PKHD1: variants seen among roughly 807,000 people sequenced by gnomAD.
PKHD1 encodes the protein fibrocystin.
Under a neutral mutation model 412.0 loss-of-function variants are expected in PKHD1, and 291 were observed. The ratio of observed to expected loss-of-function variants is 0.71; its 90% CI spans 0.64 to 0.78. The LOEUF (loss-of-function observed/expected upper bound fraction) is 0.78, where lower values mean the gene tolerates loss of function less well. Ranked by LOEUF, PKHD1 falls within the 30% of genes least tolerant of loss-of-function variation. PKHD1 has a pLI of 0.00. For missense variants in PKHD1, 4,825 were observed against 4,950.7 expected (o/e 0.97, Z 0.76); for synonymous variants, 1,777 against 1,821.5 (o/e 0.98, Z 0.62).
chr6:51,634,850 T>G (rs757176168), intron 64 of PKHD1, among the ~76,000 whole-genome samples: 6 of 152,218 alleles, frequency 3.9e-5, no homozygotes, highest in Non-Finnish European at 7.3e-5. Flanking sequence ...TGGATGGGCA[T>G]TAAATATCAG....
intron 63 of PKHD1, among the ~76,000 whole-genome samples, chr6:51,641,050 C>A (rs1427799007): frequency 6.6e-6 from 1 of 152,178 alleles, no homozygotes; most frequent in African/African-American, 2.4e-5. Flanking sequence ...ATCCCAAATG[C>A]TTTTGGTGCA....
At chr6:51,753,413 G>A in intron 56 of PKHD1, 60 bp from the exon 57 acceptor site, 1 of 1,394,560 alleles carries the variant, frequency 7.2e-7, no homozygotes, top group Non-Finnish European at 1.0e-6. Context: ...AAAATCACTA[G>A]CTGGGGACCC....
chr6:51,749,209 T>C (rs937801530), intron 57 of PKHD1, among the ~76,000 whole-genome samples: 1 of 152,226 alleles, frequency 6.6e-6, no homozygotes, highest in Admixed American at 6.5e-5. Context: ...ATGCTTCTGA[T>C]TAAAACATGG....
Position 51,616,331 on chromosome 6 carries a change from G to GA in PKHD1, c.*2749dup, listed in dbSNP as rs1341206159. 4.8e-6 allele frequency: 1 copy of GA among 207,028 alleles called. No individual in the cohort carries two copies. The highest frequency in any genetic ancestry group is 2.3e-5 in the African/African-American group (1 of 43,772). The allele number at this position is 207,028 out of a possible 1,614,324, so 12.8% of individuals were successfully genotyped here. A position where few individuals can be genotyped will look rare whatever the true frequency, so the allele number is the denominator to read the frequency against. On this transcript the variant is annotated 3_prime_UTR_variant, in exon 67 of 67. Coordinates refer to ENST00000371117, the MANE Select transcript of PKHD1 (RefSeq NM_138694.4). ...GAAGAGATTCTTTGAACTAACACAG[G>GA]AAAAAAGCACATCTCAATATTTATT...
At chr6:51,863,386 G>A (rs1482526596) in intron 48 of PKHD1, among the ~76,000 whole-genome samples, 1 of 152,176 alleles carries the variant, frequency 6.6e-6, no homozygotes, top group Non-Finnish European at 1.5e-5. Flanking sequence ...CAGAATCAAG[G>A]TCTGATCTGT....
intron 37 of PKHD1, among the ~76,000 whole-genome samples, chr6:51,916,252 A>G (rs548840892): frequency 8.5e-4 from 129 of 152,314 alleles, no homozygotes; most frequent in Non-Finnish European, 1.5e-3. Context: ...GTAAACTCCC[A>G]TCAGATATAT....
At chr6:51,913,741 T>G (rs1385847789) in intron 37 of PKHD1, among the ~76,000 whole-genome samples, 1 of 152,130 alleles carries the variant, frequency 6.6e-6, no homozygotes, top group Non-Finnish European at 1.5e-5. Context: ...TATTTGTCTC[T>G]CTGTGCATAA....
intron 37 of PKHD1, among the ~76,000 whole-genome samples, chr6:51,922,743 G>A (rs145629482): frequency 1.9e-3 from 293 of 152,312 alleles, no homozygotes; most frequent in Middle Eastern, 6.8e-3. Context: ...GGGACCCTCC[G>A]AGCCAGGCAC....
chr6:51,996,511 C>G (rs1294224158), intron 35 of PKHD1, among the ~76,000 whole-genome samples: 2 of 152,152 alleles, frequency 1.3e-5, no homozygotes, highest in Admixed American at 6.5e-5. Flanking sequence ...AACAGGAAGA[C>G]GCACATCACA....
intron 36 of PKHD1, among the ~76,000 whole-genome samples, chr6:51,950,220 A>AAAAAAAAAAAAAATATATATATAT: frequency 4.1e-5 from 4 of 98,300 alleles, no homozygotes; most frequent in African/African-American, 1.1e-4. Context: ...GAAAAAAAAA[A>AAAAAAAAAAAAAATATATATATAT]ATATATATAT....
intron 8 of PKHD1, among the ~76,000 whole-genome samples, 187 bp from the exon 9 acceptor site, chr6:52,071,257 A>G (rs1810569646): frequency 6.6e-6 from 1 of 151,482 alleles, no homozygotes; most frequent in African/African-American, 2.4e-5. Context: ...TACCCTTTAT[A>G]TATACTAGTT....
intron 35 of PKHD1, among the ~76,000 whole-genome samples, chr6:51,978,954 ATG>A (rs1288901696): frequency 1.3e-5 from 1 of 77,146 alleles, no homozygotes; most frequent in Non-Finnish European, 2.6e-5. Context: ...CAGCCATAAC[ATG>A]TGTATAATGA....
rs1052073195 is a variant in PKHD1, at chr6:52,082,394, G to C, written c.279C>G (p.Thr93=). The change falls in exon 4 of 67, where the codon ACC becomes ACG. Residue 93 remains threonine (T), a splice_region_variant and synonymous_variant. Coordinates refer to ENST00000371117, the MANE Select transcript of PKHD1 (RefSeq NM_138694.4). The stretch of plus-strand genomic sequence containing the variant: ...TTCCTATTCCCAGACAGGTATACCT[G>C]GTCCGGCATGTCACCACAGGCAAAT... The part of the protein sequence containing the change: ...FLDLPVVTCR[T]RSVLSEAHEG... 1.9e-6 allele frequency: 3 copies of C among 1,613,944 alleles called. No homozygotes were observed. Among genetic ancestry groups the C allele is most frequent in the Admixed American group, 3.3e-5 (2 of 60,012 alleles).
chr6:51,853,579 C>G (rs1360150252), intron 49 of PKHD1, among the ~76,000 whole-genome samples: 2 of 152,306 alleles, frequency 1.3e-5, no homozygotes, highest in East Asian at 1.9e-4. Flanking sequence ...TAGGTTCAGT[C>G]TTTTTATGAA....
At chr6:51,802,174 C>T (rs1763027637) in intron 52 of PKHD1, among the ~76,000 whole-genome samples, 1 of 147,030 alleles carries the variant, frequency 6.8e-6, no homozygotes, top group South Asian at 2.1e-4. Flanking sequence ...GAGTGGACGA[C>T]ATGGCATTGC....
In PKHD1 at chr6:52,043,114, T is replaced by A; in HGVS notation, c.2842A>T (p.Ile948Phe). 6.2e-7 allele frequency: 1 copy of A among 1,612,986 alleles called. No individual in the cohort carries two copies. The highest frequency in any genetic ancestry group is 1.3e-5 in the African/African-American group (1 of 74,992). Residue 948 changes from isoleucine to phenylalanine, a missense_variant, in exon 27 of 67, where the codon ATT becomes TTT. Ile to Phe is a conservative substitution (Grantham distance 21). Coordinates refer to ENST00000371117, the MANE Select transcript of PKHD1 (RefSeq NM_138694.4). Reference protein sequence around the residue: ...YSIDGDINLMIYITGTGFSGD... With the variant: ...YSIDGDINLMFYITGTGFSGD... ...GAGAAACCAGTTCCGGTAATGTAAA[T>A]CATTAGGTTGATGTCACCATCTTAA...
intron 60 of PKHD1, among the ~76,000 whole-genome samples, chr6:51,675,717 G>A (rs750529529): frequency 1.3e-5 from 2 of 152,152 alleles, no homozygotes; most frequent in Non-Finnish European, 2.9e-5. Context: ...AGGGGCAGCC[G>A]CCCAGCCACC....
intron 60 of PKHD1, among the ~76,000 whole-genome samples, chr6:51,697,240 G>A (rs1489871533): frequency 2.6e-5 from 4 of 152,080 alleles, no homozygotes; most frequent in Non-Finnish European, 5.9e-5. Context: ...CTCTTAATGA[G>A]TGCTTTGGAT....
chr6:51,718,323 C>G lies in PKHD1; in HGVS notation c.10156+26062G>C, dbSNP rs150371421. On this transcript the variant is annotated intron_variant, in intron 60 of 66. Transcript: ENST00000371117. ...ACTGTGTCCAATTTGCCACATTATC[C>G]CAATGAGGGGTGGCGTTCTCCTGTG... Among the ~76,000 whole-genome samples the G allele has an allele frequency of 5.1e-3, 783 of 152,270 alleles. 5 individuals carry two copies. The highest frequency in any genetic ancestry group is 7.8e-3 in the Non-Finnish European group (533 of 68,022).
Sources: gnomAD v4.1 joint callset for allele counts (sites outside exome capture counted in the v4.1 genomes callset) on GRCh38, gnomAD v4.1.1 for gene constraint, MANE v1.5 for transcripts, NCBI Gene and HGNC (gene_info 2026-07-23, HGNC 2026-07-21) for gene names.